ARHGEF10L: variants seen among roughly 807,000 people sequenced by gnomAD.
ARHGEF10L encodes the protein Rho guanine nucleotide exchange factor 10 like.
In ARHGEF10L, 69 loss-of-function variants were observed where a neutral mutation model predicts 141.2. The observed-to-expected ratio is 0.49, with a 90% CI of 0.40 to 0.60. ARHGEF10L has a LOEUF of 0.60. Ranked by LOEUF, ARHGEF10L falls within the 20% of genes least tolerant of loss-of-function variation. ARHGEF10L has a pLI of 0.00. For synonymous variants in ARHGEF10L, 711 were observed against 718.5 expected, an observed-to-expected ratio of 0.99 and a Z score of 0.17; for missense variants, 1,482 against 1,734.3, an observed-to-expected ratio of 0.85 and a Z score of 2.58.
intron 18 of ARHGEF10L, among the ~76,000 whole-genome samples, chr1:17,635,911 A>G (rs2101751517): frequency 6.6e-6 from 1 of 152,286 alleles, no homozygotes. Flanking sequence ...TGTCTGACCC[A>G]GGAGGCTGCC....
chr1:17,548,721 T>C (rs1192500361), intron 1 of ARHGEF10L, among the ~76,000 whole-genome samples: 1 of 146,336 alleles, frequency 6.8e-6, no homozygotes, highest in Non-Finnish European at 1.5e-5. Context: ...TGGTCTTGGC[T>C]CACTGCATCC....
At chr1:17,574,831 C>G (rs1051248209) in intron 1 of ARHGEF10L, among the ~76,000 whole-genome samples, 3 of 152,204 alleles carry the variant, frequency 2.0e-5, no homozygotes, top group African/African-American at 4.8e-5. Context: ...GTCAGGAGAC[C>G]CCGCCCCACT....
At chr1:17,592,241 C>T (rs1011835552) in intron 4 of ARHGEF10L, among the ~76,000 whole-genome samples, 7 of 152,192 alleles carry the variant, frequency 4.6e-5, no homozygotes, top group East Asian at 1.9e-4. Context: ...TGGACTCTGG[C>T]CCCCTCTGGA....
the ARHGEF10L span, among the ~76,000 whole-genome samples, chr1:17,523,352 G>A: frequency 3.3e-5 from 5 of 152,068 alleles, no homozygotes; most frequent in Non-Finnish European, 7.4e-5. Context: ...GCCTCCTAAA[G>A]TGCTGGGATT....
intron 4 of ARHGEF10L, among the ~76,000 whole-genome samples, chr1:17,589,552 C>A (rs1403304068): frequency 1.3e-5 from 2 of 152,234 alleles, no homozygotes; most frequent in Non-Finnish European, 2.9e-5. Context: ...GTTGCAGGCC[C>A]AGGCCCCCAG....
At chr1:17,647,063 G>A (rs931894810) in intron 21 of ARHGEF10L, among the ~76,000 whole-genome samples, 15 of 152,098 alleles carry the variant, frequency 9.9e-5, no homozygotes, top group African/African-American at 2.7e-4. Flanking sequence ...CTGACCTGGC[G>A]CCTCCTAGGG....
intron 16 of ARHGEF10L, 147 bp downstream of exon 16, chr1:17,632,613 C>T (rs1327755198): frequency 9.1e-7 from 1 of 1,096,646 alleles, no homozygotes; most frequent in Admixed American, 2.0e-5. Context: ...TCCCTCTTGC[C>T]CTGCTCTGCC....
chr1:17,514,653 A>C, the ARHGEF10L span, among the ~76,000 whole-genome samples: 1 of 152,200 alleles, frequency 6.6e-6, no homozygotes, highest in Admixed American at 6.5e-5. Context: ...ACTCTGATGA[A>C]ATCATCTGGG....
chr1:17,660,386 C>T lies in ARHGEF10L; in HGVS notation c.2860+3678C>T, dbSNP rs185657123. Among the ~76,000 whole-genome samples, 254 of 152,258 alleles carry T rather than the reference C, an allele frequency of 1.7e-3. 2 individuals are homozygous for T. The highest frequency in any genetic ancestry group is 5.0e-3 in the South Asian group (24 of 4,826). The stretch of plus-strand genomic sequence containing the variant: ...CCCTCTAATCCTCAGTTTCCTCACC[C>T]GTGAAATGGGGGTGTGGACAGCCCC... On this transcript the variant is annotated intron_variant, in intron 25 of 28. Coordinates refer to ENST00000361221, the MANE Select transcript of ARHGEF10L (RefSeq NM_018125.4).
chr1:17,618,391 G>A (rs954293914), intron 9 of ARHGEF10L: 10 of 1,543,858 alleles, frequency 6.5e-6, no homozygotes, highest in East Asian at 2.5e-5. Context: ...AGGAAGCTGC[G>A]AGGCAGGCTG....
rs149908903 is a variant in ARHGEF10L, at chr1:17,697,186, G to A, written c.3646G>A (p.Asp1216Asn). The A allele has an allele frequency of 5.6e-6, 9 of 1,612,064 alleles. No individual in the cohort carries two copies. Among genetic ancestry groups the A allele is most frequent in the Admixed American group, 1.7e-5 (1 of 59,992 alleles). Reference protein sequence around the residue: ...EDGSIYEMADDPDIWVRSRPC... With the variant: ...EDGSIYEMADNPDIWVRSRPC... ...CGGCTCCATTTACGAGATGGCCGAC[G>A]ACCCCGACATCTGGGTGCGCAGCCG... Residue 1216 changes from aspartate to asparagine, a missense_variant, in exon 29 of 29, where the codon GAC (aspartate) becomes AAC (asparagine). Around this residue, in one of 3 missense-constraint regions of ARHGEF10L, gnomAD observed 858 missense variants for 966.3 expected, o/e 0.89. Transcript: ENST00000361221. The surrounding 1 kb of genome is among the most constrained non-coding windows in gnomAD (Gnocchi z 4.8).
At chr1:17,674,456 G>A (rs1251957803) in intron 26 of ARHGEF10L, among the ~76,000 whole-genome samples, 11 of 152,224 alleles carry the variant, frequency 7.2e-5, no homozygotes, top group South Asian at 2.1e-4. Context: ...GAGAGGATGC[G>A]GGTCAGCCGC....
At chr1:17,535,731 G>C (rs1445193090), upstream of ARHGEF10L, among the ~76,000 whole-genome samples, 2 of 152,210 alleles carry the variant, frequency 1.3e-5, no homozygotes, top group Non-Finnish European at 2.9e-5. Flanking sequence ...GGTAATTCTG[G>C]TTAATTGAAT....
At chr1:17,592,430 A>G (rs979306102) in intron 4 of ARHGEF10L, among the ~76,000 whole-genome samples, 5 of 152,090 alleles carry the variant, frequency 3.3e-5, no homozygotes, top group Non-Finnish European at 5.9e-5. Flanking sequence ...CCTGTTGGCT[A>G]GTGTCTCTCA....
intron 1 of ARHGEF10L, among the ~76,000 whole-genome samples, chr1:17,559,138 G>A (rs1266845228): frequency 6.6e-6 from 1 of 152,204 alleles, no homozygotes; most frequent in Non-Finnish European, 1.5e-5. Flanking sequence ...TCTGCCATTT[G>A]TCAGCTGTGT....
chr1:17,618,652 C>T (rs565536134), intron 9 of ARHGEF10L: 77 of 668,704 alleles, frequency 1.2e-4, no homozygotes, highest in Admixed American at 1.0e-3. Flanking sequence ...CAGAGCCATT[C>T]AGCAGCTGGG....
rs142153324 is a variant in ARHGEF10L, at chr1:17,623,166, C to T, written c.1191C>T (p.Phe397=). The part of the protein sequence containing the change: ...WDSTEKIGDL[F]VASFSKSMVL... ...CCACCGAGAAGATCGGGGACCTCTT[C>T]GTGGCCTCGGTAAGTGTCCCCAAAC... Residue 397 remains phenylalanine, a synonymous_variant, in exon 12 of 29, where the codon TTC becomes TTT. Coordinates refer to ENST00000361221, the MANE Select transcript of ARHGEF10L (RefSeq NM_018125.4). This position sits in a 1 kb window ranked among gnomAD's most constrained non-coding sequence, Gnocchi z 4.7. 56 of 1,612,620 alleles carry T rather than the reference C, an allele frequency of 3.5e-5. 1 individual carries two copies. The highest frequency in any genetic ancestry group is 1.3e-4 in the South Asian group (12 of 91,052).
chr1:17,569,195 T>C (rs909115265), intron 1 of ARHGEF10L, among the ~76,000 whole-genome samples: 2 of 152,276 alleles, frequency 1.3e-5, no homozygotes. Context: ...GTGGGAGGAT[T>C]AGGGGAGGCA....
At chr1:17,695,966 G>A (rs1252305353) in intron 28 of ARHGEF10L, among the ~76,000 whole-genome samples, 1 of 152,180 alleles carries the variant, frequency 6.6e-6, no homozygotes, top group Admixed American at 6.5e-5. Flanking sequence ...GGAGGCCGAG[G>A]TGGGTGGATT....
Sources: gnomAD v4.1 joint callset for allele counts (sites outside exome capture counted in the v4.1 genomes callset) on GRCh38, gnomAD v4.1.1 for gene constraint, gnomAD v4.1.1 regional missense constraint, Gnocchi (gnomAD v3.1) non-coding constraint, MANE v1.5 for transcripts, NCBI Gene and HGNC (gene_info 2026-07-23, HGNC 2026-07-21) for gene names.